SON: variants seen among roughly 807,000 people sequenced by gnomAD.
The protein encoded by SON is SON DNA and RNA binding protein, also known as protein SON.
A neutral mutation model predicts 173.3 loss-of-function variants in SON; 4 were observed. The observed-to-expected ratio is 0.02, with a 90% CI of 0.01 to 0.05. The LOEUF (loss-of-function observed/expected upper bound fraction) is 0.05, where lower values mean the gene tolerates loss of function less well. Ranked by LOEUF, SON falls within the 10% of genes least tolerant of loss-of-function variation. SON has a pLI of 1.00. For missense variants in SON, 2,626 were observed against 3,055.3 expected, an observed-to-expected ratio of 0.86 and a Z score of 3.31; for synonymous variants, 1,190 against 1,105.9, an observed-to-expected ratio of 1.08 and a Z score of -1.51.
At chr21:33,564,354 G>GTA (rs1379615812) in intron 6 of SON, among the ~76,000 whole-genome samples, 6 of 152,120 alleles carry the variant, frequency 3.9e-5, no homozygotes, top group Admixed American at 3.9e-4. Context: ...GGTAGCTGTG[G>GTA]TATTATGAGT....
chr21:33,552,981 A>T lies in SON; in HGVS notation c.3750A>T (p.Glu1250Asp), dbSNP rs1217866237. Residue 1250 changes from glutamate to aspartate, a missense_variant, in exon 3 of 12, where the codon GAA becomes GAT. Physicochemically the swap from Glu to Asp is conservative, Grantham distance 45. Coordinates refer to ENST00000356577, the MANE Select transcript of SON (RefSeq NM_138927.4). This position sits in a 1 kb window ranked among gnomAD's most constrained non-coding sequence, Gnocchi z 5.6. ...CAGAGGCTGCTGTGACTGTTCCAGA[A>T]CCACCACCAGAGCCAGAATCTTCAA... ...LVSEAAVTVP[E>D]PPPEPESSIT... 36 of 1,609,198 alleles carry T rather than the reference A, an allele frequency of 2.2e-5. No individual in the cohort carries two copies. Among genetic ancestry groups the T allele is most frequent in the Non-Finnish European group, 3.1e-5 (36 of 1,175,434 alleles).
intron 8 of SON, chr21:33,569,811 T>C: frequency 4.3e-6 from 1 of 234,328 alleles, no homozygotes; most frequent in South Asian, 4.0e-5. Flanking sequence ...GACCACCATT[T>C]AGGCCCTAGT....
intron 1 of SON, 79 bp downstream of exon 1, chr21:33,543,248 G>A: frequency 7.5e-7 from 1 of 1,332,458 alleles, no homozygotes; most frequent in Non-Finnish European, 1.1e-6. Flanking sequence ...TTTCTTCGGA[G>A]ACGCAGTCGT....
Position 33,543,047 on chromosome 21 carries a change from G to C in SON, c.-46G>C, listed in dbSNP as rs374595726. 23 of 1,580,646 alleles carry C rather than the reference G, an allele frequency of 1.5e-5. No individual in the cohort carries two copies. Among genetic ancestry groups the C allele is most frequent in the African/African-American group, 2.7e-5 (2 of 74,332 alleles). ...CGCCTCCTCCCGAGGCATGCTGGGA[G>C]CCTGGAGGACTAGCGAGGAGGAGTT... is the stretch of plus-strand genomic sequence containing the variant. On this transcript the variant is annotated 5_prime_UTR_variant, in exon 1 of 12. Coordinates refer to ENST00000356577, the MANE Select transcript of SON (RefSeq NM_138927.4).
Position 33,559,910 on chromosome 21 carries a change from C to T in SON, c.6657+135C>T. 1.2e-6 allele frequency: 2 copies of T among 1,611,126 alleles called. No homozygotes were observed. The highest frequency in any genetic ancestry group is 1.7e-6 in the Non-Finnish European group (2 of 1,177,728). Reference sequence around the variant, plus strand: ...TAAACGGCAGGGCCGGGTTAGACGACAGATGAAACAACCCGCAGCTTCTCA... The same window carrying T: ...TAAACGGCAGGGCCGGGTTAGACGATAGATGAAACAACCCGCAGCTTCTCA... On this transcript the variant is annotated intron_variant, in intron 6 of 11. Coordinates refer to ENST00000356577, the MANE Select transcript of SON (RefSeq NM_138927.4). This position sits in a 1 kb window ranked among gnomAD's most constrained non-coding sequence, Gnocchi z 4.1.
At position 33,569,601 on chromosome 21, in the gene SON, T is replaced by C. The variant is rs950345348; in HGVS notation, c.6885+514T>C. 5 of 464,840 alleles carry C rather than the reference T, an allele frequency of 1.1e-5. No homozygotes were observed. In the Admixed American group the frequency reaches 1.2e-4, roughly 11 times the overall value. The allele number at this position is 464,840 out of a possible 1,614,324, so 28.8% of individuals were successfully genotyped here. ...TGCCTGTGCCTTCTTGTAAGATCTC[T>C]TGGCCCCCGTTCCTCACTCCTCTTG... On this transcript the variant is annotated intron_variant, in intron 8 of 11. Transcript: ENST00000356577.
At position 33,549,940 on chromosome 21, in the gene SON, T is replaced by C. The variant is rs2085719646; in HGVS notation, c.709T>C (p.Ser237Pro). Reference protein sequence around the residue: ...EQSVAVMPEPSMTKILDSFAA... With the variant: ...EQSVAVMPEPPMTKILDSFAA... ...GTCTGTGGCAGTAATGCCAGAACCA[T>C]CCATGACAAAGATTCTGGATTCCTT... Residue 237 changes from serine to proline, a missense_variant, in exon 3 of 12, where the codon TCC becomes CCC. Transcript: ENST00000356577. The C allele has an allele frequency of 6.2e-7, 1 of 1,614,202 alleles. No homozygotes were observed. Among genetic ancestry groups the C allele is most frequent in the African/African-American group, 1.3e-5 (1 of 75,068 alleles).
intron 7 of SON, 48 bp from the exon 8 acceptor site, chr21:33,568,923 T>G (rs2086227394): frequency 9.3e-7 from 1 of 1,072,724 alleles, no homozygotes; most frequent in Non-Finnish European, 1.4e-6. Context: ...AGTGATGTTT[T>G]AATCAGGTAA....
rs2085718502 is a variant in SON, at chr21:33,549,912, G to A, written c.681G>A (p.Glu227=). 6.2e-7 allele frequency: 1 copy of A among 1,614,222 alleles called. No individual in the cohort carries two copies. Among genetic ancestry groups the A allele is most frequent in the Non-Finnish European group, 8.5e-7 (1 of 1,180,044 alleles). Residue 227 remains glutamate (E), a synonymous_variant, in exon 3 of 12, where the codon GAG becomes GAA. Coordinates refer to ENST00000356577, the MANE Select transcript of SON (RefSeq NM_138927.4). ...CATCAGTAATCTCAGAGCAGTCAGA[G>A]CAGTCTGTGGCAGTAATGCCAGAAC... The part of the protein sequence containing the change: ...VSTSVISEQS[E]QSVAVMPEPS...
At chr21:33,543,442 C>T (rs577545457) in intron 1 of SON, 6 of 481,852 alleles carry the variant, frequency 1.2e-5, no homozygotes, top group African/African-American at 7.9e-5. Flanking sequence ...CTGTTTGGGT[C>T]CCCCCTGCCG....
intron 3 of SON, among the ~76,000 whole-genome samples, chr21:33,555,986 C>T (rs934623821): frequency 3.3e-5 from 5 of 152,166 alleles, no homozygotes; most frequent in African/African-American, 4.8e-5. Context: ...TTCTGCTTTA[C>T]TTTAAAGATA....
intron 1 of SON, among the ~76,000 whole-genome samples, chr21:33,545,661 A>T (rs1437928898): frequency 6.6e-6 from 1 of 152,238 alleles, no homozygotes; most frequent in Non-Finnish European, 1.5e-5. Flanking sequence ...TAAAAATTAC[A>T]TAAATTATTT....
chr21:33,552,013 T>C lies in SON; in HGVS notation c.2782T>C (p.Tyr928His), dbSNP rs781726136. 6.2e-7 allele frequency: 1 copy of C among 1,614,090 alleles called. No homozygotes were observed. The highest frequency in any genetic ancestry group is 1.1e-5 in the South Asian group (1 of 91,082). Residue 928 changes from tyrosine to histidine, a missense_variant, in exon 3 of 12, where the codon TAT becomes CAT. Tyr to His is a moderately conservative substitution (Grantham distance 83). Coordinates refer to ENST00000356577, the MANE Select transcript of SON (RefSeq NM_138927.4). This position sits in a 1 kb window ranked among gnomAD's most constrained non-coding sequence, Gnocchi z 5.6. ...TCCTTACAGGTTAGCTCAGGATCCC[T>C]ATAGGTTGGGCCATGACCCCTATAG... ...QDPYRLAQDP[Y>H]RLGHDPYRLG... is the part of the protein sequence containing the mutation.
intron 8 of SON, chr21:33,569,565 C>T (rs763623456): frequency 5.7e-5 from 25 of 442,224 alleles, no homozygotes; most frequent in Admixed American, 3.1e-4. Context: ...GCACCCCACC[C>T]GCTTCATTAG....
chr21:33,556,285 CTCTT>C (rs1249716571), intron 3 of SON, among the ~76,000 whole-genome samples: 2 of 152,090 alleles, frequency 1.3e-5, no homozygotes, highest in African/African-American at 4.8e-5. Context: ...ATATATGTCT[CTCTT>C]ATAGTAACAC....
rs376063536 is a variant in SON, at chr21:33,551,841, T to C, written c.2610T>C (p.Thr870=). The change falls in exon 3 of 12, where the codon ACT becomes ACC. Residue 870 remains threonine (T), a synonymous_variant. Coordinates refer to ENST00000356577, the MANE Select transcript of SON (RefSeq NM_138927.4). ...ATTCCCAGATGTTAGCATCTGGCACTATGGACTCTCAAATGTTAGCTTCTG... is the reference window on the plus strand; with the variant it reads ...ATTCCCAGATGTTAGCATCTGGCACCATGGACTCTCAAATGTTAGCTTCTG... ...SMDSQMLASG[T]MDSQMLASGT... 13 of 1,613,802 alleles carry C rather than the reference T, an allele frequency of 8.1e-6. No individual in the cohort carries two copies. Among genetic ancestry groups the C allele is most frequent in the Non-Finnish European group, 1.1e-5 (13 of 1,179,976 alleles).
intron 4 of SON, chr21:33,558,760 A>G (rs1463127934): frequency 1.3e-5 from 2 of 152,208 alleles, no homozygotes; most frequent in African/African-American, 2.4e-5. Flanking sequence ...TTCAAGGAAT[A>G]TTCCTTGATT....
intron 6 of SON, among the ~76,000 whole-genome samples, chr21:33,563,392 C>CAT (rs2086106025): frequency 7.9e-6 from 1 of 127,280 alleles, no homozygotes; most frequent in African/African-American, 2.5e-5. Context: ...CTCTTGTATG[C>CAT]ATTAACCTCT....
At chr21:33,572,034 TAC>T (rs1269384133) in intron 8 of SON, 1 of 152,156 alleles carries the variant, frequency 6.6e-6, no homozygotes, top group African/African-American at 2.4e-5. Context: ...AGATGATAGA[TAC>T]AGTTTTACTA....
Sources: allele counts gnomAD v4.1 joint callset (sites outside exome capture counted in the v4.1 genomes callset), GRCh38; gene constraint gnomAD v4.1.1; non-coding constraint Gnocchi (gnomAD v3.1); transcripts MANE v1.5; gene names NCBI Gene and HGNC (gene_info 2026-07-23, HGNC 2026-07-21).